The following SLC31A1 variants were observed in gnomAD, a reference collection of about 807,000 sequenced individuals.
The protein encoded by SLC31A1 is solute carrier family 31 member 1.
A neutral mutation model predicts 17.2 loss-of-function variants in SLC31A1; 5 were observed. That is an observed-to-expected ratio of 0.29 (90% CI 0.15 to 0.61). The LOEUF (loss-of-function observed/expected upper bound fraction) is 0.61. SLC31A1 is among the 20% of genes least tolerant of loss of function. The pLI, the probability that SLC31A1 is intolerant of heterozygous loss-of-function variation, is 0.86. For missense variants in SLC31A1, 161 were observed against 241.4 expected (o/e 0.67, Z 2.21); for synonymous variants, 76 against 78.8 (o/e 0.96, Z 0.19).
At chr9:113,256,562 G>C (rs1831730547) in intron 2 of SLC31A1, 2 of 321,124 alleles carry the variant, frequency 6.2e-6, no homozygotes, top group East Asian at 1.3e-4. Context: ...GGGTGGAAAA[G>C]AGAAAAAGAC....
At chr9:113,236,704 G>A (rs1469560435) in intron 1 of SLC31A1, among the ~76,000 whole-genome samples, 2 of 152,160 alleles carry the variant, frequency 1.3e-5, no homozygotes, top group Admixed American at 6.5e-5. Flanking sequence ...TTTTCAGACC[G>A]AAATAGGCTC....
At position 113,257,190 on chromosome 9, in the gene SLC31A1, G is replaced by A; in HGVS notation, c.202+5G>A. The A allele has an allele frequency of 6.2e-7, 1 of 1,612,242 alleles. No homozygotes were observed. The highest frequency in any genetic ancestry group is 8.5e-7 in the Non-Finnish European group (1 of 1,178,392). On this transcript the variant is annotated splice_donor_5th_base_variant and intron_variant, in intron 3 of 4. Coordinates refer to ENST00000374212, the MANE Select transcript of SLC31A1 (RefSeq NM_001859.4). ...TGGTGATCAATACAGCTGGAGGTGA[G>A]TAAGCCATTAGGTAGTGTTGGAAGG... is the stretch of plus-strand genomic sequence containing the variant.
At chr9:113,222,175 A>G (rs1226973494) in intron 1 of SLC31A1, among the ~76,000 whole-genome samples, 1 of 152,206 alleles carries the variant, frequency 6.6e-6, no homozygotes, top group Non-Finnish European at 1.5e-5. Context: ...CAGAGTGACT[A>G]TTGAAAGACT....
At position 113,222,746 on chromosome 9, in the gene SLC31A1, G is replaced by A. The variant is rs118147204; in HGVS notation, c.-36+1068G>A. Among the ~76,000 whole-genome samples, 1,242 of 152,326 alleles carry A rather than the reference G, an allele frequency of 8.2e-3. 10 individuals carry two copies. The highest frequency in any genetic ancestry group is 0.033 in the South Asian group (161 of 4,824). On this transcript the variant is annotated intron_variant, in intron 1 of 4. Transcript: ENST00000374212. ...GAATCTAAGCACTAGAACCGGAACT[G>A]GAACTAGAATCTAAGGACTAGCACT...
chr9:113,260,472 GAC>G lies in SLC31A1; in HGVS notation c.*1_*2del. 6.2e-7 allele frequency: 1 copy of G among 1,612,750 alleles called. No homozygotes were observed. Among genetic ancestry groups the G allele is most frequent in the Non-Finnish European group, 8.5e-7 (1 of 1,179,544 alleles). ...GTGGATATCACAGAGCATTGCCATT[GAC>G]ATCAAACTCTATGGCGTGGCCTTAT... On this transcript the variant is annotated stop_retained_variant and 3_prime_UTR_variant, in exon 5 of 5. Transcript: ENST00000374212.
intron 1 of SLC31A1, among the ~76,000 whole-genome samples, chr9:113,232,209 A>C (rs1831409220): frequency 6.6e-6 from 1 of 152,236 alleles, no homozygotes; most frequent in Non-Finnish European, 1.5e-5. Flanking sequence ...TACTACTCTT[A>C]CAAAATTGGA....
chr9:113,251,624 G>A (rs918073593), intron 1 of SLC31A1, among the ~76,000 whole-genome samples: 1 of 152,086 alleles, frequency 6.6e-6, no homozygotes, highest in African/African-American at 2.4e-5. Context: ...GAATGGGTTA[G>A]GTGTGTTCGA....
Position 113,221,583 on chromosome 9 carries a change from C to T in SLC31A1, c.-131C>T, listed in dbSNP as rs1040976164. On this transcript the variant is annotated 5_prime_UTR_variant, in exon 1 of 5. Transcript: ENST00000374212. The stretch of plus-strand genomic sequence containing the variant: ...GGTGGCGGTGGTGGACACGTCGAGC[C>T]GGGTAGAAGTGGAGGGGCCGTTCGA... 3 of 427,216 alleles carry T rather than the reference C, an allele frequency of 7.0e-6. No homozygotes were observed. The highest frequency in any genetic ancestry group is 5.3e-5 in the East Asian group (1 of 18,888). 26.5% of individuals were successfully genotyped at this position (427,216 alleles called of 1,614,324 possible). A position where few individuals can be genotyped will look rare whatever the true frequency, so the allele number is the denominator to read the frequency against.
rs1225459901 is a variant in SLC31A1, at chr9:113,255,130, A to G, written c.-35-984A>G. On this transcript the variant is annotated intron_variant, in intron 1 of 4. Coordinates refer to ENST00000374212, the MANE Select transcript of SLC31A1 (RefSeq NM_001859.4). ...GAGCACACTGCGTGCCTAGGGCCATAGTAGACCTTTCTTCAAATTTAAATT... is the reference window on the plus strand; with the variant it reads ...GAGCACACTGCGTGCCTAGGGCCATGGTAGACCTTTCTTCAAATTTAAATT... Among the ~76,000 whole-genome samples, 3 of 152,344 alleles carry G rather than the reference A, an allele frequency of 2.0e-5. No individual in the cohort carries two copies. The East Asian group carries it at 5.8e-4, about 29-fold the overall frequency.
chr9:113,237,589 C>T, intron 1 of SLC31A1, among the ~76,000 whole-genome samples: 1 of 152,168 alleles, frequency 6.6e-6, no homozygotes, highest in East Asian at 1.9e-4. Context: ...ATGAAAAGAA[C>T]ACTGGGCTTG....
In SLC31A1 at chr9:113,226,002, C is replaced by T. The variant is rs199588050; in HGVS notation, c.-36+4324C>T. Among the ~76,000 whole-genome samples the T allele has an allele frequency of 3.3e-5, 5 of 152,126 alleles. No individual in the cohort carries two copies. In the East Asian group the frequency reaches 5.8e-4, roughly 18 times the overall value. ...TACAAAAATTAGTCAGGCATGGTGGCGGGCACCTGTAGTCCCAGCTACTCA... is the reference window on the plus strand; with the variant it reads ...TACAAAAATTAGTCAGGCATGGTGGTGGGCACCTGTAGTCCCAGCTACTCA... On this transcript the variant is annotated intron_variant, in intron 1 of 4. Transcript: ENST00000374212.
chr9:113,244,813 C>T (rs1831559276), intron 1 of SLC31A1, among the ~76,000 whole-genome samples: 1 of 152,148 alleles, frequency 6.6e-6, no homozygotes, highest in South Asian at 2.1e-4. Context: ...GCAGACTATC[C>T]TTGTAAGACT....
chr9:113,237,937 TAAA>T (rs1474385265), intron 1 of SLC31A1, among the ~76,000 whole-genome samples: 2 of 152,226 alleles, frequency 1.3e-5, no homozygotes, highest in African/African-American at 4.8e-5. Context: ...GTGAATTCTG[TAAA>T]CAAGATATGA....
chr9:113,234,190 TTTTG>T (rs1240383608), intron 1 of SLC31A1, among the ~76,000 whole-genome samples: 1 of 152,062 alleles, frequency 6.6e-6, no homozygotes, highest in Non-Finnish European at 1.5e-5. Flanking sequence ...ATATTTGTCT[TTTTG>T]TTTGACTTTT....
intron 1 of SLC31A1, among the ~76,000 whole-genome samples, chr9:113,223,496 C>T (rs1045093158): frequency 1.3e-5 from 2 of 152,320 alleles, no homozygotes; most frequent in Non-Finnish European, 2.9e-5. Context: ...TAGACCTGGA[C>T]TTCTACTGAG....
In SLC31A1 at chr9:113,263,669, A is replaced by G. The variant is rs539491402; in HGVS notation, c.*3196A>G. ...AGAAATTGGCATTTATAAACCTGTTAAGAGACTTTAAGCATGCTTCAAGAG... is the reference window on the plus strand; with the variant it reads ...AGAAATTGGCATTTATAAACCTGTTGAGAGACTTTAAGCATGCTTCAAGAG... On this transcript the variant is annotated 3_prime_UTR_variant, in exon 5 of 5. Coordinates refer to ENST00000374212, the MANE Select transcript of SLC31A1 (RefSeq NM_001859.4). The G allele has an allele frequency of 6.5e-6, 1 of 152,676 alleles. No individual in the cohort carries two copies. The highest frequency in any genetic ancestry group is 6.5e-5 in the Admixed American group (1 of 15,282). The allele number at this position is 152,676 out of a possible 1,614,324, so 9.5% of individuals were successfully genotyped here. A position where few individuals can be genotyped will look rare whatever the true frequency, so the allele number is the denominator to read the frequency against.
At chr9:113,246,183 C>A (rs1831576064) in intron 1 of SLC31A1, among the ~76,000 whole-genome samples, 1 of 151,756 alleles carries the variant, frequency 6.6e-6, no homozygotes, top group African/African-American at 2.4e-5. Context: ...AAGCTGGGAC[C>A]ACAGGTGCAC....
chr9:113,225,272 C>T (rs1587985683), intron 1 of SLC31A1, among the ~76,000 whole-genome samples: 1 of 152,120 alleles, frequency 6.6e-6, no homozygotes, highest in African/African-American at 2.4e-5. Flanking sequence ...CAACAGTTCA[C>T]AGAAGAAAGT....
At position 113,223,342 on chromosome 9, in the gene SLC31A1, A is replaced by G. The variant is rs545909338; in HGVS notation, c.-36+1664A>G. Reference sequence around the variant, plus strand: ...TGGGTGCACCTAAAAAAAAAAAAAAAGAAAGCCACTGTCTTCCTAAATTCG... The same window carrying G: ...TGGGTGCACCTAAAAAAAAAAAAAAGGAAAGCCACTGTCTTCCTAAATTCG... On this transcript the variant is annotated intron_variant, in intron 1 of 4. Coordinates refer to ENST00000374212, the MANE Select transcript of SLC31A1 (RefSeq NM_001859.4). 1.5e-3 allele frequency: 571 copies of G among 373,756 alleles called. 6 individuals carry two copies. The highest frequency in any genetic ancestry group is 0.011 in the African/African-American group (508 of 45,060). 23.2% of individuals were successfully genotyped at this position (373,756 alleles called of 1,614,324 possible). A position where few individuals can be genotyped will look rare whatever the true frequency, so the allele number is the denominator to read the frequency against.
Sources: allele counts gnomAD v4.1 joint callset (sites outside exome capture counted in the v4.1 genomes callset), GRCh38; gene constraint gnomAD v4.1.1; transcripts MANE v1.5; gene names NCBI Gene and HGNC (gene_info 2026-07-23, HGNC 2026-07-21).